The following UFD1 variants were observed in gnomAD, a reference collection of about 807,000 sequenced individuals.
UFD1 encodes the protein ubiquitin recognition factor in ER associated degradation 1, also known as ubiquitin recognition factor in ER-associated degradation protein 1.
UFD1 carries 13 observed loss-of-function variants against 45.9 expected under a neutral mutation model. The ratio of observed to expected loss-of-function variants is 0.28; its 90% CI spans 0.18 to 0.45. The LOEUF (loss-of-function observed/expected upper bound fraction) is 0.45. Among genes scored for constraint, UFD1 ranks in the 20% least tolerant of loss-of-function variants. UFD1 has a pLI of 1.00. For synonymous variants in UFD1, 128 were observed against 139.2 expected (o/e 0.92, Z 0.56); for missense variants, 218 against 389.2 (o/e 0.56, Z 3.70).
In UFD1 at chr22:19,455,648, C is replaced by T. The variant is rs5993645; in HGVS notation, c.767+32G>A. ...CCAGCGGGCTGGCACAGATCCTCCT[C>T]CTGTCCTGGAGGAGAGCCAGGACAG... On this transcript the variant is annotated intron_variant, in intron 10 of 11. Coordinates refer to ENST00000263202, the MANE Select transcript of UFD1 (RefSeq NM_005659.7). The T allele has an allele frequency of 3.0e-3, 4,867 of 1,604,492 alleles. 127 individuals carry two copies. In the African/African-American group the frequency reaches 0.056, roughly 18 times the overall value.
intron 11 of UFD1, chr22:19,453,350 A>C (rs927083957): frequency 1.0e-6 from 1 of 985,312 alleles, no homozygotes; most frequent in African/African-American, 1.7e-5. Context: ...CCACAGCCTT[A>C]GTGGGGCTGC....
At chr22:19,458,583 A>G (rs2089741612) in intron 6 of UFD1, among the ~76,000 whole-genome samples, 1 of 152,170 alleles carries the variant, frequency 6.6e-6, no homozygotes, top group Non-Finnish European at 1.5e-5. Context: ...AGCTGGGACT[A>G]TAGGCATGTG....
In UFD1 at chr22:19,465,243, G is replaced by A. The variant is rs373588883; in HGVS notation, c.454C>T (p.Leu152=). The A allele has an allele frequency of 4.3e-6, 7 of 1,613,994 alleles. No individual in the cohort carries two copies. Among genetic ancestry groups the A allele is most frequent in the African/African-American group, 1.3e-5 (1 of 74,894 alleles). The change falls in exon 6 of 12, where the codon CTG becomes TTG. Residue 152 remains leucine (L), a synonymous_variant. Transcript: ENST00000263202. ...LENALRNFAC[L]TTGDVIAINY... ...ATGGCAATCACATCCCCGGTGGTCA[G>A]ACAGGCAAAGTTCCTAAGTGCGTTT...
At chr22:19,474,768 A>G (rs928369416) in intron 3 of UFD1, among the ~76,000 whole-genome samples, 9 of 152,142 alleles carry the variant, frequency 5.9e-5, no homozygotes, top group African/African-American at 2.2e-4. Context: ...CTGACAGAAT[A>G]CTGAGAACAG....
rs370406064 is a variant in UFD1, at chr22:19,469,550, CAT to C, written c.292-1549_292-1548del. On this transcript the variant is annotated intron_variant, in intron 4 of 11. Transcript: ENST00000263202. Reference sequence around the variant, plus strand: ...AGCACAACGGGCAGCCGAGTACCCACATGTCACAAACGGCTAGTCCAGGGCTC... The same window carrying C: ...AGCACAACGGGCAGCCGAGTACCCACGTCACAAACGGCTAGTCCAGGGCTC... 4.4e-4 allele frequency among the ~76,000 whole-genome samples: 67 copies of C among 152,342 alleles called. No individual in the cohort carries two copies. In the East Asian group the frequency reaches 0.011, roughly 25 times the overall value.
intron 6 of UFD1, among the ~76,000 whole-genome samples, chr22:19,462,791 T>C (rs1321798198): frequency 6.6e-6 from 1 of 152,364 alleles, no homozygotes; most frequent in Middle Eastern, 3.4e-3. Flanking sequence ...TGGATTCATA[T>C]TTGCCAATTT....
intron 11 of UFD1, 126 bp from the exon 12 acceptor site, chr22:19,450,870 T>G (rs975387881): frequency 1.9e-5 from 29 of 1,544,508 alleles, no homozygotes; most frequent in Non-Finnish European, 2.4e-5. Flanking sequence ...ACACGATAGC[T>G]GACACCTGTA....
rs953546757 is a variant in UFD1 at position 19,453,134 on chromosome 22, G to C, written c.849+1615C>G. ...TGGAGTCGAGCCTCCAGCCTTCTGGGATGGGGGAGGGAGGGTAATGCAGCT... is the reference window on the plus strand; with the variant it reads ...TGGAGTCGAGCCTCCAGCCTTCTGGCATGGGGGAGGGAGGGTAATGCAGCT... On this transcript the variant is annotated intron_variant, in intron 11 of 11. Transcript: ENST00000263202. 5.1e-6 allele frequency: 5 copies of C among 985,314 alleles called. No individual in the cohort carries two copies. In the African/African-American group the frequency reaches 8.7e-5, roughly 17 times the overall value. 61.0% of individuals were successfully genotyped at this position (985,314 alleles called of 1,614,324 possible).
chr22:19,454,091 C>G (rs1280864512), intron 11 of UFD1: 2 of 985,660 alleles, frequency 2.0e-6, no homozygotes, highest in African/African-American at 1.7e-5. Context: ...ATTTGAAGTT[C>G]AAGGTCTCTG....
Position 19,475,048 on chromosome 22 carries a change from G to A in UFD1, c.169+20C>T. The stretch of plus-strand genomic sequence containing the variant: ...ATATGTACATTATCTAAGTCCTTAA[G>A]TCACTCAGAAGATACTTACTGAGTT... On this transcript the variant is annotated intron_variant, in intron 3 of 11. Coordinates refer to ENST00000263202, the MANE Select transcript of UFD1 (RefSeq NM_005659.7). 1.2e-6 allele frequency: 2 copies of A among 1,607,328 alleles called. No individual in the cohort carries two copies. Among genetic ancestry groups the A allele is most frequent in the East Asian group, 2.2e-5 (1 of 44,754 alleles).
At chr22:19,451,289 A>G in intron 11 of UFD1, 3 of 985,594 alleles carry the variant, frequency 3.0e-6, no homozygotes, top group Non-Finnish European at 3.6e-6. Context: ...TTCTGTAAAA[A>G]AGAATTCCAT....
chr22:19,476,081 A>T (rs1254788372), intron 1 of UFD1, among the ~76,000 whole-genome samples: 1 of 152,124 alleles, frequency 6.6e-6, no homozygotes, highest in Non-Finnish European at 1.5e-5. Flanking sequence ...AGCAAGAGAG[A>T]TATACACTCC....
chr22:19,455,805 A>T (rs769801795), intron 9 of UFD1, 37 bp from the exon 10 acceptor site: 13 of 1,590,878 alleles, frequency 8.2e-6, no homozygotes, highest in Non-Finnish European at 1.1e-5. Flanking sequence ...AATAAGCCCA[A>T]GTGTGAGGAC....
intron 4 of UFD1, among the ~76,000 whole-genome samples, chr22:19,471,046 A>G (rs900967982): frequency 2.0e-5 from 3 of 152,194 alleles, no homozygotes; most frequent in Admixed American, 6.5e-5. Flanking sequence ...GGCCACAGCT[A>G]CCTGTGTGGA....
At chr22:19,470,220 T>C (rs2238770) in intron 4 of UFD1, among the ~76,000 whole-genome samples, 28,408 of 152,128 alleles carry the variant, frequency 0.19, 2,748 homozygotes, top group East Asian at 0.31. Context: ...ACAGGCCAGG[T>C]TGGGCAGGCC....
At chr22:19,470,837 G>T in intron 4 of UFD1, 1 of 462,738 alleles carries the variant, frequency 2.2e-6, no homozygotes, top group South Asian at 1.5e-5. Context: ...AGCAGGAGAG[G>T]TGGGCTGTGC....
chr22:19,474,708 G>A (rs1409131661), intron 3 of UFD1, among the ~76,000 whole-genome samples: 1 of 152,150 alleles, frequency 6.6e-6, no homozygotes, highest in Non-Finnish European at 1.5e-5. Context: ...AATGGCATCA[G>A]CTGCCCTGGC....
At chr22:19,475,016 G>A in intron 3 of UFD1, 52 bp downstream of exon 3, 1 of 1,545,746 alleles carries the variant, frequency 6.5e-7, no homozygotes. Flanking sequence ...GCTGACTCTT[G>A]GTGTCCATAT....
chr22:19,456,058 G>T (rs1211865320), intron 9 of UFD1, among the ~76,000 whole-genome samples: 1 of 152,138 alleles, frequency 6.6e-6, no homozygotes, highest in East Asian at 1.9e-4. Flanking sequence ...AAGCTCTATG[G>T]GTGGGCTAAG....
Sources: allele counts gnomAD v4.1 joint callset (sites outside exome capture counted in the v4.1 genomes callset), GRCh38; gene constraint gnomAD v4.1.1; transcripts MANE v1.5; gene names NCBI Gene and HGNC (gene_info 2026-07-23, HGNC 2026-07-21).